Variants in CADM2 observed in about 807,000 individuals in gnomAD.
CADM2 encodes the protein cell adhesion molecule 2.
A neutral mutation model predicts 49.8 loss-of-function variants in CADM2; 12 were observed. The observed-to-expected ratio is 0.24, with a 90% CI of 0.15 to 0.39. The LOEUF (loss-of-function observed/expected upper bound fraction) is 0.39. Ranked by LOEUF, CADM2 falls within the 10% of genes least tolerant of loss-of-function variation. The pLI, the probability that CADM2 is intolerant of heterozygous loss-of-function variation, is 1.00. For missense variants in CADM2, 378 were observed against 492.3 expected (o/e 0.77, Z 2.20); for synonymous variants, 214 against 175.4 (o/e 1.22, Z -1.74).
At chr3:86,024,972 A>C (rs1190100958) in intron 8 of CADM2, among the ~76,000 whole-genome samples, 1 of 151,802 alleles carries the variant, frequency 6.6e-6, no homozygotes, top group African/African-American at 2.4e-5. Context: ...TCCACCTCCC[A>C]GGCTCAAGCG....
At chr3:85,428,328 AAT>A (rs912458271) in intron 1 of CADM2, among the ~76,000 whole-genome samples, 1 of 146,642 alleles carries the variant, frequency 6.8e-6, no homozygotes, top group Non-Finnish European at 1.5e-5. Flanking sequence ...TATGATATAT[AAT>A]ATATATATTA....
At chr3:85,747,786 C>T (rs952647815) in intron 2 of CADM2, among the ~76,000 whole-genome samples, 1 of 152,046 alleles carries the variant, frequency 6.6e-6, no homozygotes, top group Non-Finnish European at 1.5e-5. Context: ...TCAATGAGAT[C>T]ATCAAAACTG....
At chr3:85,097,528 C>A (rs1445667342) in intron 1 of CADM2, among the ~76,000 whole-genome samples, 5 of 152,290 alleles carry the variant, frequency 3.3e-5, no homozygotes, top group Non-Finnish European at 5.9e-5. Context: ...AATGGGATGG[C>A]CGGGTCAAAT....
intron 1 of CADM2, among the ~76,000 whole-genome samples, chr3:85,337,068 A>C (rs567153023): frequency 3.9e-4 from 57 of 144,372 alleles, no homozygotes; most frequent in Non-Finnish European, 6.7e-4. Flanking sequence ...TTTCATTATC[A>C]AAGTTGACCA....
At chr3:85,698,087 A>G (rs974698241) in intron 1 of CADM2, among the ~76,000 whole-genome samples, 4 of 152,208 alleles carry the variant, frequency 2.6e-5, no homozygotes, top group African/African-American at 9.6e-5. Context: ...TGTACCACAA[A>G]ACTTGGTAGC....
chr3:85,519,396 T>G (rs898864577), intron 1 of CADM2, among the ~76,000 whole-genome samples: 1 of 152,176 alleles, frequency 6.6e-6, no homozygotes, highest in South Asian at 2.1e-4. Flanking sequence ...TGGATTTTAT[T>G]CTCAGCCAAT....
intron 3 of CADM2, among the ~76,000 whole-genome samples, chr3:85,882,060 C>T (rs1712876186): frequency 6.6e-6 from 1 of 152,098 alleles, no homozygotes; most frequent in Non-Finnish European, 1.5e-5. Flanking sequence ...CAAACTGGTA[C>T]TGGCCCATGG....
At chr3:85,521,403 G>T (rs933395658) in intron 1 of CADM2, among the ~76,000 whole-genome samples, 1 of 151,956 alleles carries the variant, frequency 6.6e-6, no homozygotes, top group Non-Finnish European at 1.5e-5. Flanking sequence ...AGCTACTTAC[G>T]GCTATACGCT....
At chr3:86,030,790 G>T (rs975175574) in intron 8 of CADM2, among the ~76,000 whole-genome samples, 1 of 151,802 alleles carries the variant, frequency 6.6e-6, no homozygotes, top group Middle Eastern at 3.2e-3. Context: ...AATAAAGAAA[G>T]GCATAGAATG....
chr3:85,273,317 T>A (rs1319217337), intron 1 of CADM2, among the ~76,000 whole-genome samples: 1 of 151,222 alleles, frequency 6.6e-6, no homozygotes, highest in East Asian at 1.9e-4. Context: ...GGGAAGGCAG[T>A]GGAAGATTTT....
chr3:86,034,521 C>T (rs1337539761), intron 8 of CADM2, among the ~76,000 whole-genome samples: 30 of 152,004 alleles, frequency 2.0e-4, no homozygotes, highest in Admixed American at 2.0e-3. Context: ...GCTCACAGAA[C>T]CGTGAGAAAT....
rs543677755 is a variant in CADM2, at chr3:85,793,188, T to G, written c.89-8859T>G. ...CTATTTAAAGATAGGACCAGGAGAG[T>G]TATTTTTTCAGGATATTGAATCATT... On this transcript the variant is annotated intron_variant, in intron 2 of 9. Transcript: ENST00000383699. 7.9e-5 allele frequency among the ~76,000 whole-genome samples: 12 copies of G among 152,270 alleles called. No individual in the cohort carries two copies. The South Asian group carries it at 2.3e-3, about 29-fold the overall frequency.
chr3:85,291,616 A>C (rs573877155), intron 1 of CADM2, among the ~76,000 whole-genome samples: 1,760 of 140,296 alleles, frequency 0.013, 36 homozygotes, highest in African/African-American at 0.053. Context: ...AAGCCAGAAG[A>C]GAGTGGGGGC....
At chr3:85,614,051 AATT>A (rs2063740337) in intron 1 of CADM2, among the ~76,000 whole-genome samples, 2 of 151,686 alleles carry the variant, frequency 1.3e-5, no homozygotes, top group Admixed American at 1.3e-4. Context: ...TTTGTTGCAA[AATT>A]ATTTATATTA....
intron 1 of CADM2, among the ~76,000 whole-genome samples, chr3:85,442,677 A>T (rs1313343270): frequency 1.4e-5 from 2 of 145,980 alleles, no homozygotes; most frequent in African/African-American, 2.6e-5. Flanking sequence ...GAGTTCAGGG[A>T]TTGAAGATTT....
chr3:85,277,325 G>A (rs2043380748), intron 1 of CADM2, among the ~76,000 whole-genome samples: 1 of 151,258 alleles, frequency 6.6e-6, no homozygotes, highest in African/African-American at 2.4e-5. Context: ...CAGTGAAGCA[G>A]GGCTATCAAT....
intron 8 of CADM2, among the ~76,000 whole-genome samples, chr3:86,018,282 G>A (rs1732595649): frequency 1.5e-5 from 2 of 130,780 alleles, no homozygotes; most frequent in African/African-American, 6.0e-5. Context: ...TATCATTGTT[G>A]GACATTTGGG....
At chr3:85,869,722 G>A (rs2075848952) in intron 3 of CADM2, among the ~76,000 whole-genome samples, 4 of 151,984 alleles carry the variant, frequency 2.6e-5, no homozygotes, top group South Asian at 2.1e-4. Flanking sequence ...GCAGTGGCGC[G>A]ATCTCGGCTC....
At chr3:85,066,320 G>T (rs1263043331) in intron 1 of CADM2, among the ~76,000 whole-genome samples, 1 of 151,392 alleles carries the variant, frequency 6.6e-6, no homozygotes, top group East Asian at 2.0e-4. Flanking sequence ...CCCACCATGA[G>T]ACATGGTGGG....
Sources: allele counts gnomAD v4.1 joint callset (sites outside exome capture counted in the v4.1 genomes callset), GRCh38; gene constraint gnomAD v4.1.1; transcripts MANE v1.5; gene names NCBI Gene and HGNC (gene_info 2026-07-23, HGNC 2026-07-21).